The following PTPRD variants were observed in gnomAD, a reference collection of about 807,000 sequenced individuals.
PTPRD encodes the protein protein tyrosine phosphatase receptor type D.
PTPRD carries 34 observed loss-of-function variants against 214.5 expected under a neutral mutation model. That is an observed-to-expected ratio of 0.16 (90% confidence interval 0.12 to 0.21). The LOEUF is 0.21. Among genes scored for constraint, PTPRD ranks in the 10% least tolerant of loss-of-function variants. The probability of loss-of-function intolerance (pLI) is 1.00; values close to 1 mark genes in which losing one functional copy is unlikely to be tolerated. For synonymous variants in PTPRD, 1,128 were observed against 845.7 expected (o/e 1.33, Z -5.79); for missense variants, 2,545 against 2,398.7 (o/e 1.06, Z -1.27).
chr9:9,835,674 G>A (rs1165375733), intron 5 of PTPRD, among the ~76,000 whole-genome samples: 1 of 152,088 alleles, frequency 6.6e-6, no homozygotes, highest in African/African-American at 2.4e-5. Context: ...GACAGAAGAT[G>A]ACATTGTGAC....
At chr9:8,587,432 C>G (rs1564542456) in intron 14 of PTPRD, among the ~76,000 whole-genome samples, 1 of 152,078 alleles carries the variant, frequency 6.6e-6, no homozygotes, top group African/African-American at 2.4e-5. Flanking sequence ...CCTAATACTT[C>G]AAAAGAAAAG....
chr9:8,630,657 C>T (rs1470929549), intron 14 of PTPRD, among the ~76,000 whole-genome samples: 1 of 151,770 alleles, frequency 6.6e-6, no homozygotes, highest in Admixed American at 6.6e-5. Context: ...AATTTTCATA[C>T]AAGTATACTT....
chr9:10,351,945 T>C (rs998937165), intron 2 of PTPRD, among the ~76,000 whole-genome samples: 1 of 151,822 alleles, frequency 6.6e-6, no homozygotes, highest in Non-Finnish European at 1.5e-5. Context: ...ACAGACCGAG[T>C]TTTGAGTCAG....
rs145268225 is a variant in PTPRD at position 8,394,180 on chromosome 9, G to GA, written c.4211-4774dup. Among the ~76,000 whole-genome samples, 315 of 147,980 alleles carry GA rather than the reference G, an allele frequency of 2.1e-3. 2 individuals are homozygous for GA. The highest frequency in any genetic ancestry group is 7.0e-3 in the African/African-American group (283 of 40,214). ...GTGGATTTTTTAAAACCACCAAGAA[G>GA]AAAAAAAAAAGCAAACAAACACCCA... is the stretch of plus-strand genomic sequence containing the variant. On this transcript the variant is annotated intron_variant, in intron 36 of 45. Coordinates refer to ENST00000381196, the MANE Select transcript of PTPRD (RefSeq NM_002839.4).
chr9:10,003,407 G>C (rs755783366), intron 4 of PTPRD, among the ~76,000 whole-genome samples: 1 of 151,796 alleles, frequency 6.6e-6, no homozygotes, highest in Admixed American at 6.6e-5. Context: ...ATAATTTGAA[G>C]TTGGGGGATA....
At chr9:8,485,554 T>C (rs911099756) in intron 28 of PTPRD, 74 of 627,164 alleles carry the variant, frequency 1.2e-4, no homozygotes, top group Admixed American at 9.4e-4. Context: ...CCTGAGGACA[T>C]TGGGGTGCTG....
chr9:9,189,712 T>C (rs1408269399), intron 9 of PTPRD, among the ~76,000 whole-genome samples: 1 of 152,110 alleles, frequency 6.6e-6, no homozygotes, highest in Non-Finnish European at 1.5e-5. Flanking sequence ...CATACAGTGA[T>C]AAATGGTAAA....
intron 23 of PTPRD, among the ~76,000 whole-genome samples, chr9:8,501,375 T>C (rs1241677775): frequency 6.6e-6 from 1 of 152,028 alleles, no homozygotes; most frequent in African/African-American, 2.4e-5. Flanking sequence ...TCTAAACCAA[T>C]CCCTCAGTAT....
At chr9:10,152,505 T>C (rs1356178778) in intron 3 of PTPRD, among the ~76,000 whole-genome samples, 2 of 152,120 alleles carry the variant, frequency 1.3e-5, no homozygotes, top group South Asian at 2.1e-4. Flanking sequence ...CATGTATACA[T>C]AGTGGAATAT....
At chr9:10,216,079 C>A (rs1249622582) in intron 3 of PTPRD, among the ~76,000 whole-genome samples, 1 of 151,452 alleles carries the variant, frequency 6.6e-6, no homozygotes, top group East Asian at 1.9e-4. Flanking sequence ...ATTGATTTTC[C>A]CTTTAGATTT....
chr9:8,592,087 AT>A (rs1438351165), intron 14 of PTPRD, among the ~76,000 whole-genome samples: 3 of 152,204 alleles, frequency 2.0e-5, no homozygotes, highest in Non-Finnish European at 4.4e-5. Flanking sequence ...TGACTTTAAC[AT>A]GGAAATTTAA....
intron 3 of PTPRD, among the ~76,000 whole-genome samples, chr9:10,088,579 T>G (rs1468489104): frequency 6.6e-6 from 1 of 151,786 alleles, no homozygotes; most frequent in African/African-American, 2.4e-5. Flanking sequence ...CATTTCATCT[T>G]CAGGAAGATA....
At chr9:9,639,818 G>C (rs976865378) in intron 7 of PTPRD, among the ~76,000 whole-genome samples, 6 of 151,918 alleles carry the variant, frequency 3.9e-5, no homozygotes, top group Admixed American at 2.0e-4. Context: ...CTTTGCTTAG[G>C]TTTGTATTAA....
At chr9:10,233,064 A>G (rs1322141) in intron 3 of PTPRD, among the ~76,000 whole-genome samples, 1 of 151,818 alleles carries the variant, frequency 6.6e-6, no homozygotes, top group Non-Finnish European at 1.5e-5. Context: ...CCTTGACTGT[A>G]TTTAGTGAAA....
intron 11 of PTPRD, among the ~76,000 whole-genome samples, chr9:8,940,130 A>G (rs2099022221): frequency 6.6e-6 from 1 of 151,230 alleles, no homozygotes; most frequent in Non-Finnish European, 1.5e-5. Context: ...AGAATGTCCT[A>G]TATTTCAGTC....
At chr9:8,954,110 T>C (rs1406800786) in intron 11 of PTPRD, among the ~76,000 whole-genome samples, 4 of 151,946 alleles carry the variant, frequency 2.6e-5, no homozygotes, top group East Asian at 3.9e-4. Context: ...CCATTCACAA[T>C]GGACTGGCTA....
intron 3 of PTPRD, among the ~76,000 whole-genome samples, chr9:10,175,342 G>T (rs535160507): frequency 6.6e-6 from 1 of 152,000 alleles, no homozygotes. Context: ...GCTTACCCAT[G>T]GTTCTTAATG....
chr9:10,325,915 AC>A (rs2096634619), intron 3 of PTPRD, among the ~76,000 whole-genome samples: 1 of 151,834 alleles, frequency 6.6e-6, no homozygotes, highest in African/African-American at 2.4e-5. Context: ...CAAAATTTAC[AC>A]CCCACTGTAA....
rs142714639 is a variant in PTPRD at position 8,570,272 on chromosome 9, T to C, written c.353-41493A>G. ...CATAATTTATTGCACTTCAGTAACA[T>C]ACTATTTGCCACAATACAAATACTT... is the stretch of plus-strand genomic sequence containing the variant. On this transcript the variant is annotated intron_variant, in intron 14 of 45. Coordinates refer to ENST00000381196, the MANE Select transcript of PTPRD (RefSeq NM_002839.4). 3.4e-4 allele frequency among the ~76,000 whole-genome samples: 52 copies of C among 152,278 alleles called. 1 individual carries two copies. The East Asian group carries it at 7.1e-3, about 21-fold the overall frequency.
Sources: gnomAD v4.1 joint callset for allele counts (sites outside exome capture counted in the v4.1 genomes callset) on GRCh38, gnomAD v4.1.1 for gene constraint, MANE v1.5 for transcripts, NCBI Gene and HGNC (gene_info 2026-07-23, HGNC 2026-07-21) for gene names.